Variants in PCNX4 observed in about 807,000 individuals in gnomAD.
PCNX4 encodes pecanex-like protein 4.
PCNX4 carries 103 observed loss-of-function variants against 107.2 expected under a neutral mutation model. The ratio of observed to expected loss-of-function variants is 0.96; its 90% CI spans 0.82 to 1.13. PCNX4 has a LOEUF of 1.13. Ranked by LOEUF, PCNX4 falls within the 50% of genes most tolerant of loss-of-function variation. The probability of loss-of-function intolerance (pLI) is 0.00; values close to 1 mark genes in which losing one functional copy is unlikely to be tolerated. For synonymous variants in PCNX4, 541 were observed against 481.7 expected, an observed-to-expected ratio of 1.12 and a Z score of -1.61; for missense variants, 1,528 against 1,379.4, an observed-to-expected ratio of 1.11 and a Z score of -1.71.
At position 60,118,635 on chromosome 14, in the gene PCNX4, C is replaced by G; in HGVS notation, c.1885C>G (p.Gln629Glu). 6.2e-7 allele frequency: 1 copy of G among 1,613,134 alleles called. No homozygotes were observed. The highest frequency in any genetic ancestry group is 1.7e-4 in the Middle Eastern group (1 of 6,052). The change falls in exon 7 of 11, where the codon CAA (glutamine) becomes GAA (glutamate). Residue 629 changes from glutamine (Q) to glutamate (E), a missense_variant. By Grantham distance (29) the Gln-to-Glu change is conservative (BLOSUM62 2). Transcript: ENST00000406854. Reference protein sequence around the residue: ...CVCADTVYYYQMVPRLTAVLQ... With the variant: ...CVCADTVYYYEMVPRLTAVLQ... ...GTGTGCAGATACAGTGTACTACTAC[C>G]AAATGGTGCCCAGGTTGACTGCTGT... is the stretch of plus-strand genomic sequence containing the variant.
intron 1 of PCNX4, among the ~76,000 whole-genome samples, chr14:60,100,190 C>A (rs1030474037): frequency 6.6e-6 from 1 of 151,976 alleles, no homozygotes; most frequent in African/African-American, 2.4e-5. Context: ...CAAAAATGAT[C>A]ACTTCAATAG....
Position 60,124,813 on chromosome 14 carries a change from T to G in PCNX4, c.2642T>G (p.Leu881Ter). The change falls in exon 9 of 11, where the codon TTA becomes TGA. Residue 881 changes from leucine (L) to a stop codon, truncating the protein, a stop_gained. Transcript: ENST00000406854. LOFTEE classifies it high-confidence loss of function. Reference protein sequence around the residue: ...PENDLYKAVLLGYPAVDKGKQ... With the variant: ...PENDLYKAVL Reference sequence around the variant, plus strand: ...AACGATCTTTACAAAGCAGTTCTATTAGGATACCCTGCTGTTGACAAAGGA... The same window carrying G: ...AACGATCTTTACAAAGCAGTTCTATGAGGATACCCTGCTGTTGACAAAGGA... 6 of 1,613,770 alleles carry G rather than the reference T, an allele frequency of 3.7e-6. No individual in the cohort carries two copies. The highest frequency in any genetic ancestry group is 5.1e-6 in the Non-Finnish European group (6 of 1,179,778).
chr14:60,112,968 G>A (rs1460998768), intron 2 of PCNX4, among the ~76,000 whole-genome samples: 10 of 152,234 alleles, frequency 6.6e-5, no homozygotes, highest in Admixed American at 4.6e-4. Context: ...CGGATAACGA[G>A]GTCAAGACAT....
Position 60,135,378 on chromosome 14 carries a change from ATTC to A in PCNX4, c.*1160_*1162del, listed in dbSNP as rs559133085. 18 of 152,032 alleles carry A rather than the reference ATTC, an allele frequency of 1.2e-4. No individual in the cohort carries two copies. The East Asian group carries it at 3.3e-3, about 28-fold the overall frequency. 9.4% of individuals were successfully genotyped at this position (152,032 alleles called of 1,614,324 possible). On this transcript the variant is annotated 3_prime_UTR_variant, in exon 11 of 11. Coordinates refer to ENST00000406854, the MANE Select transcript of PCNX4 (RefSeq NM_001330177.2). ...AATGAATTCAAGAGATTTGTATGTT[ATTC>A]TTTTTTTGGAGGTAATATAGTACAG...
In PCNX4 at chr14:60,138,208, T is replaced by G. The variant is rs992583508; in HGVS notation, c.*3987T>G. 2 of 151,264 alleles carry G rather than the reference T, an allele frequency of 1.3e-5. No homozygotes were observed. The highest frequency in any genetic ancestry group is 2.9e-5 in the Non-Finnish European group (2 of 67,870). 9.4% of individuals were successfully genotyped at this position (151,264 alleles called of 1,614,324 possible). ...GAAGTAAATACCAGATGTGAAAAAC[T>G]AAGAGACAAAAGAATAGAAAATATA... On this transcript the variant is annotated 3_prime_UTR_variant, in exon 11 of 11. Coordinates refer to ENST00000406854, the MANE Select transcript of PCNX4 (RefSeq NM_001330177.2).
At position 60,144,814 on chromosome 14, in the gene PCNX4, T is replaced by G; in HGVS notation, c.*10593T>G. 1 of 672,842 alleles carries G rather than the reference T, an allele frequency of 1.5e-6. No homozygotes were observed. Among genetic ancestry groups the G allele is most frequent in the Non-Finnish European group, 2.6e-6 (1 of 385,530 alleles). 41.7% of individuals were successfully genotyped at this position (672,842 alleles called of 1,614,324 possible). On this transcript the variant is annotated 3_prime_UTR_variant, in exon 11 of 11. Coordinates refer to ENST00000406854, the MANE Select transcript of PCNX4 (RefSeq NM_001330177.2). ...ATTCATGGCAATCTTTTATTATTTA[T>G]TTTTTATTTCATTCCATGTTGGAAG...
intron 2 of PCNX4, chr14:60,110,578 G>A (rs1490688761): frequency 6.0e-6 from 1 of 167,028 alleles, no homozygotes; most frequent in Admixed American, 6.5e-5. Flanking sequence ...TATTGGAGTG[G>A]GGATGTCTCT....
At chr14:60,115,900 C>T (rs1382982084) in intron 5 of PCNX4, 41 bp from the exon 6 acceptor site, 1 of 1,590,116 alleles carries the variant, frequency 6.3e-7, no homozygotes, top group South Asian at 1.1e-5. Context: ...CTTAGATTAT[C>T]TAATTCTACC....
intron 2 of PCNX4, 58 bp downstream of exon 2, chr14:60,108,385 G>C: frequency 1.5e-6 from 2 of 1,306,910 alleles, no homozygotes; most frequent in Non-Finnish European, 2.1e-6. Flanking sequence ...CAGAGTAAGA[G>C]AGCTTTCCTT....
chr14:60,115,216 G>C lies in PCNX4; in HGVS notation c.1112G>C (p.Ser371Thr), dbSNP rs759523268. ...TTAGTCTTGGCTCTTTTAGAAACTA[G>C]CTTGCTTCATCACTTTGCTGGCTTC... Reference protein sequence around the residue: ...IILVLALLETSLLHHFAGFSQ... With the variant: ...IILVLALLETTLLHHFAGFSQ... Residue 371 changes from serine (S) to threonine (T), a missense_variant, in exon 4 of 11, where the codon AGC becomes ACC. By Grantham distance (58) the Ser-to-Thr change is moderately conservative (BLOSUM62 1). Transcript: ENST00000406854. 6.2e-7 allele frequency: 1 copy of C among 1,613,590 alleles called. No homozygotes were observed. The highest frequency in any genetic ancestry group is 1.1e-5 in the South Asian group (1 of 91,070).
In PCNX4 at chr14:60,141,137, C is replaced by T. The variant is rs1227341873; in HGVS notation, c.*6916C>T. 2.0e-5 allele frequency: 3 copies of T among 152,214 alleles called. No homozygotes were observed. Among genetic ancestry groups the T allele is most frequent in the Non-Finnish European group, 4.4e-5 (3 of 68,056 alleles). The allele number at this position is 152,214 out of a possible 1,614,324, so 9.4% of individuals were successfully genotyped here. A position where few individuals can be genotyped will look rare whatever the true frequency, so the allele number is the denominator to read the frequency against. Reference sequence around the variant, plus strand: ...AAGCCAGATAGCCAACCCCATGTGTCTCCAAGAGCTGTCTCCTACATCCCA... The same window carrying T: ...AAGCCAGATAGCCAACCCCATGTGTTTCCAAGAGCTGTCTCCTACATCCCA... On this transcript the variant is annotated 3_prime_UTR_variant, in exon 11 of 11. Coordinates refer to ENST00000406854, the MANE Select transcript of PCNX4 (RefSeq NM_001330177.2).
chr14:60,145,855 G>A lies in PCNX4; in HGVS notation c.*11634G>A, dbSNP rs987487674. 6.6e-6 allele frequency: 1 copy of A among 151,896 alleles called. No homozygotes were observed. The highest frequency in any genetic ancestry group is 6.6e-5 in the Admixed American group (1 of 15,232). The allele number at this position is 151,896 out of a possible 1,614,324, so 9.4% of individuals were successfully genotyped here. ...AATAATAATGATAATACAAAATTCA[G>A]TGTAGCCACTGTTCTTGATCCCTAA... On this transcript the variant is annotated 3_prime_UTR_variant, in exon 11 of 11. Transcript: ENST00000406854. The surrounding 1 kb of genome is among the most constrained non-coding windows in gnomAD (Gnocchi z 4.0).
rs1338479305 is a variant in PCNX4 at position 60,139,503 on chromosome 14, A to G, written c.*5282A>G. On this transcript the variant is annotated 3_prime_UTR_variant, in exon 11 of 11. Transcript: ENST00000406854. The stretch of plus-strand genomic sequence containing the variant: ...GAACAGAACTAAAATGAGAAAAGAC[A>G]AGTCTGCATTCCCAGATTTTAATAT... 1 of 152,114 alleles carries G rather than the reference A, an allele frequency of 6.6e-6. No individual in the cohort carries two copies. Among genetic ancestry groups the G allele is most frequent in the East Asian group, 1.9e-4 (1 of 5,200 alleles). 9.4% of individuals were successfully genotyped at this position (152,114 alleles called of 1,614,324 possible).
At chr14:60,124,079 G>A (rs1036531106) in intron 8 of PCNX4, 139 bp from the exon 9 acceptor site, 3 of 624,702 alleles carry the variant, frequency 4.8e-6, no homozygotes, top group Non-Finnish European at 7.8e-6. Flanking sequence ...AAGTCAGGAT[G>A]TTGCTCTTGA....
rs1416665193 is a variant in PCNX4, at chr14:60,144,343, C to T, written c.*10122C>T. The T allele has an allele frequency of 6.6e-6, 1 of 152,348 alleles. No individual in the cohort carries two copies. The highest frequency in any genetic ancestry group is 1.5e-5 in the Non-Finnish European group (1 of 68,222). The allele number at this position is 152,348 out of a possible 1,614,324, so 9.4% of individuals were successfully genotyped here. A position where few individuals can be genotyped will look rare whatever the true frequency, so the allele number is the denominator to read the frequency against. ...GTTGCTATGGTTTGGATGTTTTTGTCCCCTCCAAAATTCATGTCGAAACTT... is the reference window on the plus strand; with the variant it reads ...GTTGCTATGGTTTGGATGTTTTTGTTCCCTCCAAAATTCATGTCGAAACTT... On this transcript the variant is annotated 3_prime_UTR_variant, in exon 11 of 11. Coordinates refer to ENST00000406854, the MANE Select transcript of PCNX4 (RefSeq NM_001330177.2).
At position 60,115,702 on chromosome 14, in the gene PCNX4, T is replaced by TG. The variant is rs769055789; in HGVS notation, c.1358-17_1358-16insG. The TG allele has an allele frequency of 2.0e-4, 312 of 1,596,308 alleles. No individual in the cohort carries two copies. Among genetic ancestry groups the TG allele is most frequent in the Non-Finnish European group, 2.5e-4 (287 of 1,168,040 alleles). ...ATTTTGCCTTAATTAAATTTCTCTC[T>TG]TTTTGTTTTGTTTTAGTATCACCTT... On this transcript the variant is annotated splice_polypyrimidine_tract_variant and intron_variant, in intron 4 of 10. Coordinates refer to ENST00000406854, the MANE Select transcript of PCNX4 (RefSeq NM_001330177.2).
chr14:60,129,723 A>T (rs1438201538), intron 10 of PCNX4, among the ~76,000 whole-genome samples: 2 of 152,234 alleles, frequency 1.3e-5, no homozygotes, highest in Non-Finnish European at 2.9e-5. Flanking sequence ...GAAGAAAAGG[A>T]ACTAGAACGT....
intron 7 of PCNX4, 35 bp from the exon 8 acceptor site, chr14:60,121,161 C>CTTTTTTTTT (rs747483127): frequency 3.6e-6 from 4 of 1,103,160 alleles, no homozygotes; most frequent in Admixed American, 3.4e-5. Context: ...AAATGATTTT[C>CTTTTTTTTT]TTTTTTTTTT....
chr14:60,121,145 G>A, intron 7 of PCNX4, 51 bp from the exon 8 acceptor site: 1 of 1,478,688 alleles, frequency 6.8e-7, no homozygotes, highest in Middle Eastern at 1.9e-4. Context: ...AATAAAAGAA[G>A]TTTGAAAATG....
Sources: gnomAD v4.1 joint callset for allele counts (sites outside exome capture counted in the v4.1 genomes callset) on GRCh38, gnomAD v4.1.1 for gene constraint, Gnocchi (gnomAD v3.1) non-coding constraint, MANE v1.5 for transcripts, NCBI Gene and HGNC (gene_info 2026-07-23, HGNC 2026-07-21) for gene names.